IKZF2: variants seen among roughly 807,000 people sequenced by gnomAD.
The protein encoded by IKZF2 is zinc finger protein Helios.
Under a neutral mutation model 49.2 loss-of-function variants are expected in IKZF2, and 15 were observed. The ratio of observed to expected loss-of-function variants is 0.30; its 90% confidence interval spans 0.20 to 0.47. The LOEUF is 0.47. Ranked by LOEUF, IKZF2 falls within the 20% of genes least tolerant of loss-of-function variation. IKZF2 has a pLI of 1.00. For missense variants in IKZF2, 567 were observed against 664.6 expected, an observed-to-expected ratio of 0.85 and a Z score of 1.61; for synonymous variants, 227 against 221.4, an observed-to-expected ratio of 1.03 and a Z score of -0.23.
At chr2:213,057,645 T>C (rs1701290690) in intron 4 of IKZF2, among the ~76,000 whole-genome samples, 1 of 152,144 alleles carries the variant, frequency 6.6e-6, no homozygotes, top group Non-Finnish European at 1.5e-5. Flanking sequence ...GTCAAGGCAA[T>C]GTTCTAAAAT....
intron 7 of IKZF2, chr2:213,021,479 T>C (rs1296292545): frequency 1.2e-5 from 3 of 252,190 alleles, no homozygotes; most frequent in East Asian, 2.5e-4. Flanking sequence ...CGTAGTGTAT[T>C]TAGAGATCAG....
chr2:213,081,415 T>C (rs552320613), intron 4 of IKZF2, among the ~76,000 whole-genome samples: 1 of 152,288 alleles, frequency 6.6e-6, no homozygotes, highest in East Asian at 1.9e-4. Context: ...TTTTAAACAT[T>C]TATTGAACTA....
chr2:213,113,720 T>G (rs1194565442), intron 4 of IKZF2, among the ~76,000 whole-genome samples: 3 of 152,164 alleles, frequency 2.0e-5, no homozygotes, highest in Admixed American at 2.0e-4. Context: ...CTATTGATAC[T>G]TGGCACATAC....
rs1267523351 is a variant in IKZF2 at position 213,001,207 on chromosome 2, CA to C, written c.*6152del. 1 of 151,894 alleles carries C rather than the reference CA, an allele frequency of 6.6e-6. No homozygotes were observed. Among genetic ancestry groups the C allele is most frequent in the Non-Finnish European group, 1.5e-5 (1 of 67,584 alleles). The allele number at this position is 151,894 out of a possible 1,614,324, so 9.4% of individuals were successfully genotyped here. ...CAAATAACACATGGTCTAAAAGGTCCAACTATTAACAGCAAATATGGGGCCT... is the reference window on the plus strand; with the variant it reads ...CAAATAACACATGGTCTAAAAGGTCCACTATTAACAGCAAATATGGGGCCT... On this transcript the variant is annotated 3_prime_UTR_variant, in exon 9 of 9. Coordinates refer to ENST00000434687, the MANE Select transcript of IKZF2 (RefSeq NM_001387220.1).
rs148821506 is a variant in IKZF2 at position 213,095,546 on chromosome 2, A to G, written c.140-38447T>C. Among the ~76,000 whole-genome samples the G allele has an allele frequency of 7.8e-4, 118 of 152,232 alleles. 1 individual carries two copies. In the East Asian group the frequency reaches 0.02, roughly 25 times the overall value. ...TATCTAGACACTGAAAAGAGTTTAA[A>G]CATAGAAGAATCAAAAATTTAAAAC... On this transcript the variant is annotated intron_variant, in intron 4 of 8. Coordinates refer to ENST00000434687, the MANE Select transcript of IKZF2 (RefSeq NM_001387220.1).
rs71744347 is a variant in IKZF2 at position 213,005,193 on chromosome 2, G to GC, written c.*2166_*2167insG. 37 of 135,318 alleles carry GC rather than the reference G, an allele frequency of 2.7e-4. 2 individuals are homozygous for GC. The highest frequency in any genetic ancestry group is 8.1e-4 in the African/African-American group (31 of 38,246). The allele number at this position is 135,318 out of a possible 1,614,324, so 8.4% of individuals were successfully genotyped here. A position where few individuals can be genotyped will look rare whatever the true frequency, so the allele number is the denominator to read the frequency against. The stretch of plus-strand genomic sequence containing the variant: ...ATTATTATTTGGGAGTGGTTGGGTG[G>GC]GGGGGGGTGAGCGAGTCTCAAAAAC... On this transcript the variant is annotated 3_prime_UTR_variant, in exon 9 of 9. Transcript: ENST00000434687.
At chr2:213,106,944 G>A (rs965098209) in intron 4 of IKZF2, among the ~76,000 whole-genome samples, 1 of 152,048 alleles carries the variant, frequency 6.6e-6, no homozygotes, top group Non-Finnish European at 1.5e-5. Context: ...TATTCCTTAT[G>A]CCACCCATCA....
chr2:213,037,667 G>C (rs1192114810), intron 6 of IKZF2, among the ~76,000 whole-genome samples: 2 of 152,138 alleles, frequency 1.3e-5, no homozygotes, highest in Non-Finnish European at 2.9e-5. Flanking sequence ...CATACAGTGA[G>C]GCACCAAAGG....
intron 6 of IKZF2, among the ~76,000 whole-genome samples, chr2:213,038,225 A>G (rs1699233737): frequency 6.6e-6 from 1 of 151,708 alleles, no homozygotes; most frequent in Non-Finnish European, 1.5e-5. Context: ...CGCCCAGCTA[A>G]TTTTTTTGTA....
intron 8 of IKZF2, 79 bp downstream of exon 8, chr2:213,013,712 T>C: frequency 1.6e-6 from 2 of 1,274,032 alleles, no homozygotes; most frequent in Admixed American, 2.2e-5. Context: ...ACACACCATA[T>C]ATATTTCTAA....
chr2:213,025,472 G>A (rs1697716047), intron 6 of IKZF2, among the ~76,000 whole-genome samples: 1 of 152,094 alleles, frequency 6.6e-6, no homozygotes, highest in Non-Finnish European at 1.5e-5. Flanking sequence ...CTCTGTTGAT[G>A]CATTACTTAT....
At chr2:213,061,302 GATA>G (rs1160956595) in intron 4 of IKZF2, among the ~76,000 whole-genome samples, 2 of 151,266 alleles carry the variant, frequency 1.3e-5, no homozygotes, top group African/African-American at 2.4e-5. Context: ...TCACTAATAT[GATA>G]ATAAAAGGAT....
chr2:213,019,209 A>G (rs948520477), intron 7 of IKZF2, among the ~76,000 whole-genome samples: 4 of 152,214 alleles, frequency 2.6e-5, no homozygotes, highest in African/African-American at 9.6e-5. Context: ...ACTAGGAAAT[A>G]TAACTATGTC....
intron 6 of IKZF2, among the ~76,000 whole-genome samples, chr2:213,047,558 T>C (rs1320381820): frequency 6.6e-6 from 1 of 152,130 alleles, no homozygotes; most frequent in Non-Finnish European, 1.5e-5. Context: ...GAGATCTCAG[T>C]TCCCAAAAGA....
chr2:213,026,973 A>G (rs931441379), intron 6 of IKZF2, among the ~76,000 whole-genome samples: 4 of 152,074 alleles, frequency 2.6e-5, no homozygotes, highest in African/African-American at 9.7e-5. Flanking sequence ...AGATATGCCC[A>G]TAAAAAAAAT....
chr2:213,078,682 A>G (rs1703556146), intron 4 of IKZF2, among the ~76,000 whole-genome samples: 1 of 152,160 alleles, frequency 6.6e-6, no homozygotes, highest in Admixed American at 6.5e-5. Flanking sequence ...CAGAAGGGTA[A>G]TTTTACATTT....
At chr2:213,059,771 G>T (rs532722805) in intron 4 of IKZF2, among the ~76,000 whole-genome samples, 1 of 151,322 alleles carries the variant, frequency 6.6e-6, no homozygotes, top group Admixed American at 6.6e-5. Context: ...AACATAACAT[G>T]AAACAGATAA....
intron 4 of IKZF2, among the ~76,000 whole-genome samples, chr2:213,082,099 T>C (rs1410663151): frequency 6.6e-6 from 1 of 152,232 alleles, no homozygotes; most frequent in Non-Finnish European, 1.5e-5. Context: ...CCAATAGTGA[T>C]GAAATATCTA....
intron 4 of IKZF2, among the ~76,000 whole-genome samples, chr2:213,138,008 A>T (rs1057347311): frequency 2.0e-4 from 30 of 152,126 alleles, no homozygotes; most frequent in Non-Finnish European, 3.8e-4. Context: ...TCAAAAGTGT[A>T]GACACCCAGA....
Sources: gnomAD v4.1 joint callset for allele counts (sites outside exome capture counted in the v4.1 genomes callset) on GRCh38, gnomAD v4.1.1 for gene constraint, MANE v1.5 for transcripts, NCBI Gene and HGNC (gene_info 2026-07-23, HGNC 2026-07-21) for gene names.